FUT8: variants seen among roughly 807,000 people sequenced by gnomAD.
FUT8 encodes the protein fucosyltransferase 8.
A neutral mutation model predicts 71.3 loss-of-function variants in FUT8; 29 were observed. That is an observed-to-expected ratio of 0.41 (90% CI 0.30 to 0.55). FUT8 has a LOEUF of 0.55. FUT8 is among the 20% of genes least tolerant of loss of function. The probability of loss-of-function intolerance (pLI) is 0.34; values close to 1 mark genes in which losing one functional copy is unlikely to be tolerated. For missense variants in FUT8, 544 were observed against 702.1 expected, an observed-to-expected ratio of 0.77 and a Z score of 2.55; for synonymous variants, 254 against 239.3, an observed-to-expected ratio of 1.06 and a Z score of -0.57.
chr14:65,453,222 T>TTAAA (rs981911899), intron 1 of FUT8, among the ~76,000 whole-genome samples: 1 of 152,022 alleles, frequency 6.6e-6, no homozygotes, highest in Non-Finnish European at 1.5e-5. Flanking sequence ...CATGGCAGTA[T>TTAAA]TAAACTCTTG....
intron 1 of FUT8, among the ~76,000 whole-genome samples, chr14:65,418,271 C>T (rs1030664360): frequency 7.9e-5 from 12 of 152,080 alleles, no homozygotes; most frequent in Non-Finnish European, 1.6e-4. Context: ...ACCTGTGTAT[C>T]TGTCTAAGTC....
At chr14:65,716,877 C>T (rs1462964725) in intron 7 of FUT8, among the ~76,000 whole-genome samples, 185 of 74,144 alleles carry the variant, frequency 2.5e-3, no homozygotes, top group Admixed American at 4.1e-3. Flanking sequence ...CGCTCCTCAC[C>T]TCCCAGACGG....
chr14:65,679,773 A>G (rs1350159677), intron 7 of FUT8, among the ~76,000 whole-genome samples: 2 of 152,210 alleles, frequency 1.3e-5, no homozygotes, highest in African/African-American at 4.8e-5. Flanking sequence ...GATGGTGGCA[A>G]AGCTACAGAG....
chr14:65,720,987 A>T (rs1207519746), intron 7 of FUT8, among the ~76,000 whole-genome samples: 2 of 152,150 alleles, frequency 1.3e-5, no homozygotes, highest in Non-Finnish European at 2.9e-5. Flanking sequence ...AAGCACACAG[A>T]TTCTTTGCAC....
chr14:65,732,169 A>T (rs1159529316), intron 9 of FUT8, among the ~76,000 whole-genome samples: 1 of 152,218 alleles, frequency 6.6e-6, no homozygotes, highest in African/African-American at 2.4e-5. Context: ...GATGGATTTG[A>T]ACACTGAATA....
At chr14:65,733,424 G>C (rs1006558437) in intron 10 of FUT8, 43 bp downstream of exon 10, 2 of 1,450,848 alleles carry the variant, frequency 1.4e-6, no homozygotes, top group Non-Finnish European at 1.9e-6. Flanking sequence ...ATACTTTTTG[G>C]TTGTATAGGA....
intron 7 of FUT8, among the ~76,000 whole-genome samples, chr14:65,701,310 G>A (rs911801904): frequency 6.6e-6 from 1 of 152,172 alleles, no homozygotes; most frequent in Non-Finnish European, 1.5e-5. Context: ...GAAGCAAAAT[G>A]TGTGTGCTTT....
intron 1 of FUT8, among the ~76,000 whole-genome samples, chr14:65,448,974 G>C (rs2065782902): frequency 1.3e-5 from 2 of 152,126 alleles, no homozygotes; most frequent in African/African-American, 4.8e-5. Flanking sequence ...AATTGTTTTA[G>C]TGATTTTTGG....
At chr14:65,618,109 C>A in intron 5 of FUT8, among the ~76,000 whole-genome samples, 1 of 133,682 alleles carries the variant, frequency 7.5e-6, no homozygotes, top group African/African-American at 2.8e-5. Flanking sequence ...TCTATGTTAC[C>A]CAGGCCAGTC....
intron 6 of FUT8, among the ~76,000 whole-genome samples, chr14:65,653,156 A>G (rs999487131): frequency 1.3e-5 from 2 of 152,170 alleles, no homozygotes; most frequent in Non-Finnish European, 2.9e-5. Context: ...GGAGAGGTAG[A>G]GATCTCCTCT....
intron 9 of FUT8, among the ~76,000 whole-genome samples, chr14:65,729,114 C>G (rs1895833072): frequency 6.7e-6 from 1 of 149,550 alleles, no homozygotes. Flanking sequence ...CAGCCTCAAC[C>G]TCCTGGGCTC....
chr14:65,732,442 A>G (rs989940454), intron 9 of FUT8, among the ~76,000 whole-genome samples: 5 of 152,246 alleles, frequency 3.3e-5, no homozygotes, highest in Non-Finnish European at 5.9e-5. Flanking sequence ...ACAAACATGT[A>G]AACTGACTCC....
intron 3 of FUT8, among the ~76,000 whole-genome samples, chr14:65,572,807 T>TA (rs1886555404): frequency 6.6e-6 from 1 of 152,082 alleles, no homozygotes; most frequent in Non-Finnish European, 1.5e-5. Flanking sequence ...TGAGGCAAAA[T>TA]ATGTGAGACA....
At chr14:65,714,419 TTTTATTTATTTATTTATTTATTTA>T (rs55846929) in intron 7 of FUT8, among the ~76,000 whole-genome samples, 4 of 145,418 alleles carry the variant, frequency 2.8e-5, no homozygotes, top group Admixed American at 6.8e-5. Flanking sequence ...TCCATATAAA[TTTTATTTATTTATTTATTTATTTA>T]TTTATTTATT....
chr14:65,497,932 T>A (rs2066585758), intron 2 of FUT8, among the ~76,000 whole-genome samples: 1 of 152,066 alleles, frequency 6.6e-6, no homozygotes, highest in Non-Finnish European at 1.5e-5. Context: ...AGGGAGCGAT[T>A]TTCTGCTGCT....
At chr14:65,618,104 GT>G (rs1368777483) in intron 5 of FUT8, among the ~76,000 whole-genome samples, 4 of 141,140 alleles carry the variant, frequency 2.8e-5, no homozygotes, top group Non-Finnish European at 6.1e-5. Context: ...GTCTTTCTAT[GT>G]TACCCAGGCC....
At chr14:65,407,449 A>G (rs1218544853), upstream of FUT8, among the ~76,000 whole-genome samples, 1 of 152,142 alleles carries the variant, frequency 6.6e-6, no homozygotes, top group African/African-American at 2.4e-5. Flanking sequence ...ATTACATTAA[A>G]ATGTTTTTAA....
chr14:65,617,790 A>G (rs888235496), intron 5 of FUT8, among the ~76,000 whole-genome samples: 1 of 151,890 alleles, frequency 6.6e-6, no homozygotes, highest in Non-Finnish European at 1.5e-5. Flanking sequence ...CCAAAAATAC[A>G]AAAATCAGCC....
intron 3 of FUT8, among the ~76,000 whole-genome samples, chr14:65,587,199 AAAAC>A (rs1160615421): frequency 3.9e-5 from 6 of 151,966 alleles, no homozygotes; most frequent in Non-Finnish European, 7.4e-5. Flanking sequence ...AAAAAAAAAA[AAAAC>A]AAAAAAAACT....
Sources: gnomAD v4.1 joint callset for allele counts (sites outside exome capture counted in the v4.1 genomes callset) on GRCh38, gnomAD v4.1.1 for gene constraint, MANE v1.5 for transcripts, NCBI Gene and HGNC (gene_info 2026-07-23, HGNC 2026-07-21) for gene names.